Variants in ABTB2 observed in about 807,000 individuals in gnomAD.
ABTB2 encodes ankyrin repeat and BTB domain containing 2.
A neutral mutation model predicts 104.1 loss-of-function variants in ABTB2; 56 were observed. The observed-to-expected ratio is 0.54, with a 90% CI of 0.43 to 0.67. ABTB2 has a LOEUF of 0.67. ABTB2 is among the 30% of genes least tolerant of loss of function. The probability of loss-of-function intolerance (pLI) is 0.00; values close to 1 mark genes in which losing one functional copy is unlikely to be tolerated. For missense variants in ABTB2, 1,279 were observed against 1,407.7 expected, an observed-to-expected ratio of 0.91 and a Z score of 1.46; for synonymous variants, 606 against 608.2, an observed-to-expected ratio of 1.00 and a Z score of 0.05.
chr11:34,280,029 C>T (rs924734999), intron 1 of ABTB2, among the ~76,000 whole-genome samples: 2 of 151,964 alleles, frequency 1.3e-5, no homozygotes, highest in African/African-American at 2.4e-5. Context: ...ACTCAGCCTC[C>T]GAAAGTGCTG....
Position 34,167,957 on chromosome 11 carries a change from C to A in ABTB2, c.1599G>T (p.Gly533=). 1 of 1,614,252 alleles carries A rather than the reference C, an allele frequency of 6.2e-7. No individual in the cohort carries two copies. The highest frequency in any genetic ancestry group is 8.5e-7 in the Non-Finnish European group (1 of 1,180,048). Residue 533 remains glycine (G), a synonymous_variant, in exon 6 of 17, where the codon GGG becomes GGT. Coordinates refer to ENST00000435224, the MANE Select transcript of ABTB2 (RefSeq NM_145804.3). ...MTPLMYACAA[G]DEAMVQMLID... is the part of the protein sequence containing the mutation. ...TCAACATCTGGACCATCGCTTCGTC[C>A]CCAGCAGCGCAGGCGTACATCAGTG...
At chr11:34,269,392 G>A (rs1854287207) in intron 1 of ABTB2, among the ~76,000 whole-genome samples, 1 of 152,200 alleles carries the variant, frequency 6.6e-6, no homozygotes, top group South Asian at 2.1e-4. Flanking sequence ...CCCATTTGCA[G>A]TAGCACCTAC....
intron 1 of ABTB2, among the ~76,000 whole-genome samples, chr11:34,281,724 C>T (rs74517048): frequency 0.029 from 4,470 of 152,258 alleles, 230 homozygotes; most frequent in African/African-American, 0.1. Context: ...TTCACAGACA[C>T]GAAGCTACAT....
In ABTB2 at chr11:34,186,854, G is replaced by T. The variant is rs1413546873; in HGVS notation, c.1244+10471C>A. 2.0e-5 allele frequency among the ~76,000 whole-genome samples: 3 copies of T among 152,216 alleles called. No individual in the cohort carries two copies. The South Asian group carries it at 6.2e-4, about 32-fold the overall frequency. On this transcript the variant is annotated intron_variant, in intron 3 of 16. Transcript: ENST00000435224. ...AAGCCTGCTGAGAAAGAGGCCCCAAGTAGCTGAGAGCAAGCTGCCCACACC... is the reference window on the plus strand; with the variant it reads ...AAGCCTGCTGAGAAAGAGGCCCCAATTAGCTGAGAGCAAGCTGCCCACACC...
intron 1 of ABTB2, among the ~76,000 whole-genome samples, chr11:34,265,001 C>T (rs1341168841): frequency 6.6e-6 from 1 of 152,218 alleles, no homozygotes; most frequent in African/African-American, 2.4e-5. Flanking sequence ...CATTGCAGAA[C>T]CATTTCTTTC....
At chr11:34,160,827 C>CCTGTGTGTCCAT in intron 11 of ABTB2, 76 bp downstream of exon 11, 1 of 1,472,764 alleles carries the variant, frequency 6.8e-7, no homozygotes, top group Non-Finnish European at 9.2e-7. Context: ...CACGTGTCTG[C>CCTGTGTGTCCAT]CTGTGTGTCC....
At chr11:34,158,588 C>T (rs1028614114) in intron 14 of ABTB2, among the ~76,000 whole-genome samples, 2 of 152,214 alleles carry the variant, frequency 1.3e-5, no homozygotes, top group African/African-American at 4.8e-5. Context: ...TCTTGCAGCC[C>T]TGAGCCCACC....
Position 34,357,890 on chromosome 11 carries a change from C to T in ABTB2, c.-307G>A. 3.1e-6 allele frequency: 1 copy of T among 321,460 alleles called. No homozygotes were observed. The highest frequency in any genetic ancestry group is 5.7e-6 in the Non-Finnish European group (1 of 176,536). 19.9% of individuals were successfully genotyped at this position (321,460 alleles called of 1,614,324 possible). ...CCACAAGCAGAGAGTCAGTCCTCCA[C>T]AGAGAAGGAATCCCGGGAGAACAGG... is the stretch of plus-strand genomic sequence containing the variant. On this transcript the variant is annotated 5_prime_UTR_variant, in exon 1 of 17. In the 5' UTR this introduces an upstream ATG that the reference lacks. Transcript: ENST00000435224.
intron 1 of ABTB2, among the ~76,000 whole-genome samples, chr11:34,211,215 C>G (rs949293961): frequency 5.9e-5 from 9 of 152,146 alleles, no homozygotes; most frequent in Non-Finnish European, 1.2e-4. Flanking sequence ...CTCAAGCAAT[C>G]CTCCCATCTC....
Position 34,167,346 on chromosome 11 carries a change from G to A in ABTB2, c.1668C>T (p.Ser556=). ...ANLDIQVPSN[S]PRHPSIHPDS... is the part of the protein sequence containing the mutation. ...CGGGGTGGATGGAAGGGTGCCTGGG[G>A]GAGTTGCTTGGAACCTGGAAAATAC... Residue 556 remains serine, a synonymous_variant, in exon 7 of 17, where the codon TCC becomes TCT. Transcript: ENST00000435224. 1 of 1,613,054 alleles carries A rather than the reference G, an allele frequency of 6.2e-7. No individual in the cohort carries two copies. Among genetic ancestry groups the A allele is most frequent in the African/African-American group, 1.3e-5 (1 of 75,000 alleles).
chr11:34,157,975 C>T (rs1852652815), intron 14 of ABTB2, among the ~76,000 whole-genome samples: 1 of 152,218 alleles, frequency 6.6e-6, no homozygotes, highest in African/African-American at 2.4e-5. Context: ...TCAACCTCTC[C>T]ATGCCTCTGA....
chr11:34,261,341 T>C (rs1854184896), intron 1 of ABTB2, among the ~76,000 whole-genome samples: 1 of 152,148 alleles, frequency 6.6e-6, no homozygotes, highest in Non-Finnish European at 1.5e-5. Context: ...AAGACAAATA[T>C]ATGGACACAT....
intron 3 of ABTB2, among the ~76,000 whole-genome samples, chr11:34,178,637 C>T (rs1178417433): frequency 6.6e-6 from 1 of 152,228 alleles, no homozygotes; most frequent in African/African-American, 2.4e-5. Context: ...CAGATATCTG[C>T]AGGGCCAGAG....
intron 4 of ABTB2, 100 bp from the exon 5 acceptor site, chr11:34,171,171 AG>A (rs2133015261): frequency 1.5e-6 from 2 of 1,338,932 alleles, no homozygotes; most frequent in East Asian, 4.9e-5. Context: ...AGTGAGGATG[AG>A]GATGGGTGGG....
chr11:34,236,386 G>A (rs1258593647), intron 1 of ABTB2, among the ~76,000 whole-genome samples: 1 of 152,140 alleles, frequency 6.6e-6, no homozygotes, highest in East Asian at 1.9e-4. Context: ...GAAAACACAG[G>A]ACTCTCTTTA....
intron 1 of ABTB2, among the ~76,000 whole-genome samples, chr11:34,243,490 C>A (rs1006554043): frequency 6.6e-6 from 1 of 152,208 alleles, no homozygotes; most frequent in Admixed American, 6.5e-5. Flanking sequence ...CATAACCCTG[C>A]CCCTCCTCCA....
intron 2 of ABTB2, among the ~76,000 whole-genome samples, chr11:34,198,949 A>C (rs1276978312): frequency 6.6e-6 from 1 of 152,102 alleles, no homozygotes; most frequent in Non-Finnish European, 1.5e-5. Context: ...AACAGGTTTT[A>C]ATTTGGCCGG....
At chr11:34,238,482 C>A (rs752989660) in intron 1 of ABTB2, among the ~76,000 whole-genome samples, 4 of 152,164 alleles carry the variant, frequency 2.6e-5, no homozygotes, top group Admixed American at 6.5e-5. Context: ...AGCACAGTAC[C>A]TGGGATACAG....
At position 34,228,358 on chromosome 11, in the gene ABTB2, C is replaced by T. The variant is rs369374188; in HGVS notation, c.884-23668G>A. 7.1e-3 allele frequency among the ~76,000 whole-genome samples: 931 copies of T among 132,028 alleles called. 11 individuals carry two copies. Among genetic ancestry groups the T allele is most frequent in the African/African-American group, 0.024 (846 of 35,036 alleles). The allele number at this position is 132,028 out of a possible 152,430, so 86.6% of individuals were successfully genotyped here. On this transcript the variant is annotated intron_variant, in intron 1 of 16. Transcript: ENST00000435224. ...TACAGGCGTGAGCCACCACACTTGG[C>T]CTACTTTTTTGTTTGTTTTCTTTTT... is the stretch of plus-strand genomic sequence containing the variant.
Sources: gnomAD v4.1 joint callset for allele counts (sites outside exome capture counted in the v4.1 genomes callset) on GRCh38, gnomAD v4.1.1 for gene constraint, MANE v1.5 for transcripts, NCBI Gene and HGNC (gene_info 2026-07-23, HGNC 2026-07-21) for gene names.